Variants in KLK8 observed in about 807,000 individuals in gnomAD.
KLK8 encodes the protein kallikrein-8.
In KLK8, 18 loss-of-function variants were observed where a neutral mutation model predicts 26.7. The observed-to-expected ratio is 0.67, with a 90% CI of 0.47 to 1.00. KLK8 has a LOEUF of 1.00. Ranked by LOEUF, KLK8 falls within the 50% of genes least tolerant of loss-of-function variation. The pLI is 0.00. For missense variants in KLK8, 301 were observed against 331.7 expected, an observed-to-expected ratio of 0.91 and a Z score of 0.72; for synonymous variants, 137 against 127.1, an observed-to-expected ratio of 1.08 and a Z score of -0.52.
At chr19:50,997,260 C>T (rs2091178505) in intron 6 of KLK8, among the ~76,000 whole-genome samples, 1 of 152,100 alleles carries the variant, frequency 6.6e-6, no homozygotes, top group Non-Finnish European at 1.5e-5. Flanking sequence ...TTTACTCCAG[C>T]CAACTGGGAA....
At chr19:51,000,229 C>T in exon 5 of KLK8, 2 of 1,597,288 alleles carry the variant, frequency 1.3e-6, no homozygotes, top group Non-Finnish European at 1.7e-6. Flanking sequence ...ATTCTGTAGG[C>T]TGTGGTCTCC....
chr19:51,000,311 C>T lies in KLK8; in HGVS notation c.231-53G>A, dbSNP rs138556033. On this transcript the variant is annotated intron_variant, in intron 4 of 6. Coordinates refer to ENST00000600767, the Ensembl canonical transcript of KLK8. Reference sequence around the variant, plus strand: ...CAGGCAGGGGTATTGCCCCCAGCCCCCTCCTCCTTCAGACCCAGGAGTCCA... The same window carrying T: ...CAGGCAGGGGTATTGCCCCCAGCCCTCTCCTCCTTCAGACCCAGGAGTCCA... The T allele has an allele frequency of 2.4e-4, 374 of 1,544,562 alleles. 3 individuals carry two copies. In the East Asian group the frequency reaches 7.0e-3, roughly 29 times the overall value.
chr19:50,997,670 C>T, intron 6 of KLK8, 81 bp downstream of exon 5: 3 of 1,530,178 alleles, frequency 2.0e-6, no homozygotes, highest in South Asian at 1.2e-5. Flanking sequence ...ACTCCCTTAC[C>T]ACCCCCACCC....
Position 50,998,069 on chromosome 19 carries a change from C to T in KLK8, c.494-185G>A, listed in dbSNP as rs1231774338. ...ACATTAAACGAAGCTGTACTTGTTG[C>T]TATTGGGCTTTCTCCATCTAGAGAG... is the stretch of plus-strand genomic sequence containing the variant. On this transcript the variant is annotated intron_variant, in intron 5 of 6. Transcript: ENST00000600767. 10 of 655,454 alleles carry T rather than the reference C, an allele frequency of 1.5e-5. No homozygotes were observed. The African/African-American group carries it at 1.8e-4, about 12-fold the overall frequency. The allele number at this position is 655,454 out of a possible 1,614,324, so 40.6% of individuals were successfully genotyped here. A position where few individuals can be genotyped will look rare whatever the true frequency, so the allele number is the denominator to read the frequency against.
intron 5 of KLK8, chr19:50,999,085 T>G (rs1214306644): frequency 2.0e-5 from 3 of 152,132 alleles, no homozygotes; most frequent in African/African-American, 7.2e-5. Context: ...CTCTCTTAGG[T>G]GAGTCCCAAT....
At chr19:51,001,036 TC>T in intron 3 of KLK8, 61 bp downstream of exon 2, 2 of 1,464,310 alleles carry the variant, frequency 1.4e-6, no homozygotes, top group Admixed American at 1.9e-5. Flanking sequence ...TCCCACAGAC[TC>T]CCCAGCGCCA....
chr19:50,996,539 C>G (rs1338590781), intron 6 of KLK8, among the ~76,000 whole-genome samples: 1 of 152,040 alleles, frequency 6.6e-6, no homozygotes, highest in Non-Finnish European at 1.5e-5. Context: ...TCCAGACCAG[C>G]CTGGCCAACA....
intron 6 of KLK8, 42 bp from the exon 6 acceptor site, chr19:50,996,256 C>T: frequency 1.3e-6 from 2 of 1,597,316 alleles, no homozygotes; most frequent in Non-Finnish European, 1.7e-6. Context: ...CTGAGATGTC[C>T]ACAACGTCCC....
At chr19:51,000,403 C>T in intron 4 of KLK8, 21 bp downstream of exon 3, 1 of 1,590,794 alleles carries the variant, frequency 6.3e-7, no homozygotes, top group Middle Eastern at 1.7e-4. Context: ...CAGCTGACCT[C>T]TGCCCCCATC....
chr19:51,000,611 G>T (rs764327775), intron 3 of KLK8, 28 bp from the exon 3 acceptor site: 1 of 1,612,720 alleles, frequency 6.2e-7, no homozygotes, highest in African/African-American at 1.3e-5. Context: ...GGGTTGGATC[G>T]CCACCCTCTG....
chr19:51,001,496 G>T (rs1032116063), intron 2 of KLK8, 36 bp downstream of exon 1: 2 of 326,032 alleles, frequency 6.1e-6, no homozygotes, highest in East Asian at 5.9e-5. Context: ...AGGGTCCGGG[G>T]CCTGATGTCT....
exon 7 of KLK8, chr19:50,996,084 T>G (rs201515524): frequency 1.2e-6 from 2 of 1,614,100 alleles, no homozygotes; most frequent in Non-Finnish European, 1.7e-6. Context: ...TATGATCTTC[T>G]TGATCCAGTC....
At chr19:50,998,181 A>G (rs888801451) in intron 5 of KLK8, among the ~76,000 whole-genome samples, 5 of 151,954 alleles carry the variant, frequency 3.3e-5, no homozygotes, top group Non-Finnish European at 5.9e-5. Flanking sequence ...CCCCTTTATG[A>G]TACCTCTGAC....
rs775052598 is a variant in KLK8, at chr19:51,000,378, T to C, written c.230+46A>G. On this transcript the variant is annotated intron_variant, in intron 4 of 6. Transcript: ENST00000600767. ...TTCCTGAGTCGAAACCCCAGCCCCC[T>C]CTTTCCTTAAGCCCCAGCTGACCTC... 4 of 1,541,360 alleles carry C rather than the reference T, an allele frequency of 2.6e-6. No individual in the cohort carries two copies. The African/African-American group carries it at 5.7e-5, about 22-fold the overall frequency.
At chr19:51,000,306 A>G in intron 4 of KLK8, 48 bp from the exon 4 acceptor site, 5 of 1,533,886 alleles carry the variant, frequency 3.3e-6, no homozygotes, top group Non-Finnish European at 4.4e-6. Context: ...TATTGCCCCC[A>G]GCCCCCTCCT....
intron 2 of KLK8, 149 bp from the exon 2 acceptor site, chr19:51,001,324 T>C: frequency 1.5e-6 from 1 of 659,934 alleles, no homozygotes; most frequent in South Asian, 1.8e-5. Context: ...ACTGGATTCC[T>C]ACATTCCAAG....
Position 50,996,117 on chromosome 19 carries a change from T to TA in KLK8, c.724dup (p.Tyr242LeufsTer24). ...GTCCAGGTAGCGGCAGATGTTGGTA[T>TA]AGACGCCAGGTTTGTCGGACCTCCC... On this transcript the variant is annotated frameshift_variant, in exon 7 of 7. Transcript: ENST00000600767. LOFTEE classifies it high-confidence loss of function. The TA allele has an allele frequency of 6.2e-7, 1 of 1,614,228 alleles. No individual in the cohort carries two copies. Among genetic ancestry groups the TA allele is most frequent in the East Asian group, 2.2e-5 (1 of 44,878 alleles).
intron 5 of KLK8, among the ~76,000 whole-genome samples, chr19:50,999,583 CAA>C (rs56988162): frequency 3.3e-5 from 1 of 30,290 alleles, no homozygotes; most frequent in African/African-American, 8.6e-5. Flanking sequence ...TGTCCCCCTG[CAA>C]AAAAAAAAAA....
exon 7 of KLK8, chr19:50,996,193 C>G (rs1420304304): frequency 3.1e-6 from 5 of 1,614,052 alleles, no homozygotes; most frequent in African/African-American, 1.3e-5. Flanking sequence ...CCATCACACA[C>G]CAGGGGGCCT....
Sources: gnomAD v4.1 joint callset for allele counts (sites outside exome capture counted in the v4.1 genomes callset) on GRCh38, gnomAD v4.1.1 for gene constraint, MANE v1.5 for transcripts, NCBI Gene and HGNC (gene_info 2026-07-23, HGNC 2026-07-21) for gene names.